Variants in ARB2A observed in about 807,000 individuals in gnomAD.
ARB2A encodes the protein ARB2 cotranscriptional regulator A.
chr5:93,995,265 A>G, the ARB2A span, among the ~76,000 whole-genome samples: 1 of 152,200 alleles, frequency 6.6e-6, no homozygotes, highest in Admixed American at 6.5e-5. Flanking sequence ...TCCATGTGTG[A>G]GCAGATCATC....
the ARB2A span, among the ~76,000 whole-genome samples, chr5:93,964,168 G>A: frequency 3.3e-5 from 5 of 151,996 alleles, no homozygotes; most frequent in African/African-American, 1.2e-4. Context: ...CCAGTGAAAT[G>A]AGAAAGGGTA....
chr5:93,857,445 G>A, the ARB2A span, among the ~76,000 whole-genome samples: 3 of 152,124 alleles, frequency 2.0e-5, no homozygotes, highest in Admixed American at 6.6e-5. Flanking sequence ...CACCCAGTTC[G>A]AGCTTCCCGA....
chr5:94,068,820 C>T, the ARB2A span, among the ~76,000 whole-genome samples: 3 of 142,740 alleles, frequency 2.1e-5, no homozygotes, highest in African/African-American at 5.3e-5. Context: ...CAAGACCAAC[C>T]AGCCTGGCAT....
chr5:93,675,684 G>C, the ARB2A span, among the ~76,000 whole-genome samples: 1 of 152,262 alleles, frequency 6.6e-6, no homozygotes, highest in Non-Finnish European at 1.5e-5. Flanking sequence ...TGACATCCAT[G>C]GTGAAAATGA....
At chr5:94,101,723 T>C in the ARB2A span, among the ~76,000 whole-genome samples, 1 of 152,102 alleles carries the variant, frequency 6.6e-6, no homozygotes, top group African/African-American at 2.4e-5. Context: ...TTCTCACTTG[T>C]AAGTGGGAGC....
At chr5:93,643,655 T>C in the ARB2A span, among the ~76,000 whole-genome samples, 1 of 152,078 alleles carries the variant, frequency 6.6e-6, no homozygotes, top group Non-Finnish European at 1.5e-5. Context: ...CCATCATGCC[T>C]GGCTAATTTT....
At chr5:93,823,738 C>T in the ARB2A span, among the ~76,000 whole-genome samples, 3 of 152,156 alleles carry the variant, frequency 2.0e-5, no homozygotes, top group East Asian at 1.9e-4. Context: ...AGGCGGATGA[C>T]GAGGTCAGGA....
At chr5:93,994,750 A>G in the ARB2A span, among the ~76,000 whole-genome samples, 2 of 151,954 alleles carry the variant, frequency 1.3e-5, no homozygotes, top group Admixed American at 6.6e-5. Flanking sequence ...AAAAAAATAG[A>G]AAAAAATTAG....
chr5:93,940,406 A>T, the ARB2A span, among the ~76,000 whole-genome samples: 1 of 152,042 alleles, frequency 6.6e-6, no homozygotes, highest in Non-Finnish European at 1.5e-5. Context: ...CATTGTTGAA[A>T]TTCTGTCTTA....
At chr5:93,833,804 G>T in the ARB2A span, among the ~76,000 whole-genome samples, 338 of 152,236 alleles carry the variant, frequency 2.2e-3, no homozygotes, top group Non-Finnish European at 3.7e-3. Context: ...TCTGAGCAGG[G>T]TTTTTACACC....
chr5:93,690,650 G>A, the ARB2A span, among the ~76,000 whole-genome samples: 1 of 152,126 alleles, frequency 6.6e-6, no homozygotes, highest in Non-Finnish European at 1.5e-5. Flanking sequence ...AAATGTTCCT[G>A]CCTGCTGGCT....
At chr5:93,790,117 T>C in the ARB2A span, among the ~76,000 whole-genome samples, 1 of 152,214 alleles carries the variant, frequency 6.6e-6, no homozygotes, top group Admixed American at 6.5e-5. Context: ...CTTCTAGTAA[T>C]GATACTTTGA....
the ARB2A span, among the ~76,000 whole-genome samples, chr5:93,956,590 T>A: frequency 2.0e-5 from 3 of 151,932 alleles, no homozygotes; most frequent in Non-Finnish European, 2.9e-5. Context: ...AGGTTCTAAC[T>A]TCTGGAAAAT....
At chr5:93,993,929 T>A in the ARB2A span, among the ~76,000 whole-genome samples, 3 of 152,086 alleles carry the variant, frequency 2.0e-5, no homozygotes, top group African/African-American at 7.2e-5. Context: ...TTTAAAATTA[T>A]TTGGAAAGAA....
At chr5:93,985,084 TTTCTC>T in the ARB2A span, among the ~76,000 whole-genome samples, 1 of 152,188 alleles carries the variant, frequency 6.6e-6, no homozygotes, top group Non-Finnish European at 1.5e-5. Context: ...AAATTTTTAT[TTTCTC>T]TTCTTTCTTA....
the ARB2A span, among the ~76,000 whole-genome samples, chr5:93,854,762 G>A: frequency 1.3e-5 from 2 of 152,148 alleles, no homozygotes; most frequent in African/African-American, 4.8e-5. Context: ...ATGTAGTTGA[G>A]CAGTTTTGAG....
chr5:93,931,615 T>C, the ARB2A span, among the ~76,000 whole-genome samples: 1 of 152,232 alleles, frequency 6.6e-6, no homozygotes, highest in Non-Finnish European at 1.5e-5. Context: ...CCAATATTTT[T>C]TCTAGTTAAT....
chr5:94,090,993 T>TA, the ARB2A span, among the ~76,000 whole-genome samples: 37 of 152,168 alleles, frequency 2.4e-4, no homozygotes, highest in South Asian at 4.6e-3. Flanking sequence ...GTCTTTGAAT[T>TA]AAAAAAAACA....
the ARB2A span, among the ~76,000 whole-genome samples, chr5:93,763,534 C>G: frequency 2.6e-5 from 4 of 152,152 alleles, no homozygotes; most frequent in Non-Finnish European, 4.4e-5. Flanking sequence ...CAGGAGCACC[C>G]AGATTCATAA....
Sources: gnomAD v4.1 joint callset for allele counts (sites outside exome capture counted in the v4.1 genomes callset) on GRCh38, gnomAD v4.1.1 for gene constraint, MANE v1.5 for transcripts, NCBI Gene and HGNC (gene_info 2026-07-23, HGNC 2026-07-21) for gene names.